Variants in RFX8 observed in about 807,000 individuals in gnomAD.
The protein encoded by RFX8 is regulatory factor X8.
In RFX8, 46 loss-of-function variants were observed where a neutral mutation model predicts 54.6. The observed-to-expected ratio is 0.84, with a 90% CI of 0.67 to 1.08. The LOEUF (loss-of-function observed/expected upper bound fraction) is 1.08, where lower values mean the gene tolerates loss of function less well. Ranked by LOEUF, RFX8 falls within the 50% of genes least tolerant of loss-of-function variation. The pLI, the probability that RFX8 is intolerant of heterozygous loss-of-function variation, is 0.00. For missense variants in RFX8, 536 were observed against 562.3 expected, an observed-to-expected ratio of 0.95 and a Z score of 0.47; for synonymous variants, 192 against 209.5, an observed-to-expected ratio of 0.92 and a Z score of 0.72.
rs368202073 is a variant in RFX8 at position 101,470,860 on chromosome 2, C to A, written c.-53+3776G>T. Among the ~76,000 whole-genome samples the A allele has an allele frequency of 2.0e-5, 3 of 150,946 alleles. No homozygotes were observed. The East Asian group carries it at 5.9e-4, about 30-fold the overall frequency. On this transcript the variant is annotated intron_variant, in intron 1 of 11. Coordinates refer to ENST00000428343, the MANE Select transcript of RFX8 (RefSeq NM_001145664.2). ...TCAGCCTCCCAAGTAGCTGGGACTA[C>A]AGGCGCCTGCCACCTCGCCCGGCTA... is the stretch of plus-strand genomic sequence containing the variant.
At chr2:101,403,701 C>T (rs1642527974) in intron 10 of RFX8, among the ~76,000 whole-genome samples, 2 of 152,218 alleles carry the variant, frequency 1.3e-5, no homozygotes, top group South Asian at 2.1e-4. Flanking sequence ...GCGGGAGAAT[C>T]GCTTGAACCC....
At chr2:101,446,122 A>T (rs1399165273) in intron 2 of RFX8, among the ~76,000 whole-genome samples, 2 of 144,504 alleles carry the variant, frequency 1.4e-5, no homozygotes, top group African/African-American at 2.5e-5. Flanking sequence ...TAAAAAAAAA[A>T]TTTCTTAGTT....
chr2:101,407,613 A>G (rs903955019), intron 9 of RFX8, among the ~76,000 whole-genome samples: 2 of 152,100 alleles, frequency 1.3e-5, no homozygotes, highest in African/African-American at 4.8e-5. Flanking sequence ...AATCGCTTGA[A>G]CCTGGGAGGC....
chr2:101,442,213 T>C (rs1245349630), intron 2 of RFX8, among the ~76,000 whole-genome samples: 1 of 152,236 alleles, frequency 6.6e-6, no homozygotes, highest in Non-Finnish European at 1.5e-5. Context: ...CACTTTTAAA[T>C]ATCATTGTCT....
At chr2:101,448,899 A>G (rs901947843) in intron 2 of RFX8, among the ~76,000 whole-genome samples, 4 of 152,256 alleles carry the variant, frequency 2.6e-5, no homozygotes, top group Admixed American at 6.5e-5. Context: ...AGAAGGCTCA[A>G]AGAGCAGGAA....
chr2:101,432,519 C>T (rs1687544452), intron 2 of RFX8, among the ~76,000 whole-genome samples: 1 of 152,144 alleles, frequency 6.6e-6, no homozygotes, highest in Non-Finnish European at 1.5e-5. Flanking sequence ...TATGGGGCCA[C>T]TACCCAAGAG....
At chr2:101,441,112 G>T (rs1044595600) in intron 2 of RFX8, among the ~76,000 whole-genome samples, 14 of 151,976 alleles carry the variant, frequency 9.2e-5, no homozygotes, top group African/African-American at 3.1e-4. Flanking sequence ...GACTACAGGC[G>T]CCCGCCACCA....
chr2:101,417,453 G>C (rs1192001879), intron 6 of RFX8, 81 bp downstream of exon 6: 1 of 1,314,276 alleles, frequency 7.6e-7, no homozygotes, highest in African/African-American at 1.5e-5. Flanking sequence ...CGATCCTCCT[G>C]CCTCGGCCTT....
At chr2:101,450,573 G>A (rs1208883890) in intron 2 of RFX8, 3 of 1,272,836 alleles carry the variant, frequency 2.4e-6, no homozygotes, top group Non-Finnish European at 3.3e-6. Context: ...AGACCAAAGT[G>A]CCAAAATGAT....
chr2:101,402,480 G>A lies in RFX8; in HGVS notation c.1201C>T (p.Leu401Phe). Residue 401 changes from leucine to phenylalanine, a missense_variant, in exon 11 of 12, where the codon CTC (leucine) becomes TTC (phenylalanine). Transcript: ENST00000428343. ...RYPVGVSNMV[L>F]RILGFLVDTA... is the part of the protein sequence containing the mutation. Reference sequence around the variant, plus strand: ...TCCACCAGGAAGCCCAGGATCCTGAGGACCATGTTGCTCACACCCACGGGA... The same window carrying A: ...TCCACCAGGAAGCCCAGGATCCTGAAGACCATGTTGCTCACACCCACGGGA... The A allele has an allele frequency of 6.4e-7, 1 of 1,551,634 alleles. No homozygotes were observed. Among genetic ancestry groups the A allele is most frequent in the Non-Finnish European group, 8.7e-7 (1 of 1,146,884 alleles).
In RFX8 at chr2:101,402,448, G is replaced by A. The variant is rs547206904; in HGVS notation, c.1233C>T (p.Ala411=). ...LRILGFLVDT[A]MGNKLIQVLL... ...CTGGTGTCCCTACCTTATTGCCCAT[G>A]GCAGTGTCCACCAGGAAGCCCAGGA... Residue 411 remains alanine, a synonymous_variant, in exon 11 of 12, where the codon GCC becomes GCT. Transcript: ENST00000428343. The A allele has an allele frequency of 1.5e-4, 233 of 1,548,324 alleles. No individual in the cohort carries two copies. The African/African-American group carries it at 2.9e-3, about 19-fold the overall frequency.
chr2:101,400,650 C>T (rs557938664), intron 11 of RFX8, among the ~76,000 whole-genome samples: 4 of 152,186 alleles, frequency 2.6e-5, no homozygotes, highest in South Asian at 2.1e-4. Flanking sequence ...GGTGCTTTAA[C>T]GAGTGTCACT....
chr2:101,415,035 AC>A, intron 6 of RFX8, 123 bp from the exon 7 acceptor site: 1 of 672,440 alleles, frequency 1.5e-6, no homozygotes, highest in South Asian at 1.8e-5. Flanking sequence ...AACTTCCCCC[AC>A]CCCCGTGTCT....
At chr2:101,401,202 C>T (rs550926207) in intron 11 of RFX8, among the ~76,000 whole-genome samples, 153 of 152,314 alleles carry the variant, frequency 1.0e-3, no homozygotes, top group African/African-American at 3.3e-3. Context: ...AAGTGAGAAA[C>T]AAAGACCAAA....
chr2:101,410,919 C>T (rs977453643), intron 8 of RFX8, among the ~76,000 whole-genome samples: 1 of 152,190 alleles, frequency 6.6e-6, no homozygotes, highest in Non-Finnish European at 1.5e-5. Flanking sequence ...ATTACATGGA[C>T]ATACCTGTTG....
At chr2:101,433,957 A>C (rs567271485) in intron 2 of RFX8, among the ~76,000 whole-genome samples, 1 of 152,212 alleles carries the variant, frequency 6.6e-6, no homozygotes, top group Admixed American at 6.5e-5. Context: ...ATTGAGACAT[A>C]TGTCATTATA....
rs778750332 is a variant in RFX8, at chr2:101,402,634, A to G, written c.1047T>C (p.Asp349=). 50 of 1,553,068 alleles carry G rather than the reference A, an allele frequency of 3.2e-5. No individual in the cohort carries two copies. Among genetic ancestry groups the G allele is most frequent in the South Asian group, 2.5e-4 (21 of 84,106 alleles). Residue 349 remains aspartate (D), a synonymous_variant, in exon 11 of 12, where the codon GAT becomes GAC. Coordinates refer to ENST00000428343, the MANE Select transcript of RFX8 (RefSeq NM_001145664.2). ...DMGTVKEMLP[D]DPTLGQPDQA... ...GGTCTGGCTGGCCGAGAGTCGGGTC[A>G]TCTGGTAGCATTTCCTTGACAGTCC...
chr2:101,433,114 C>A (rs539250608), intron 2 of RFX8, among the ~76,000 whole-genome samples: 1 of 152,302 alleles, frequency 6.6e-6, no homozygotes, highest in African/African-American at 2.4e-5. Flanking sequence ...CACAGTGGAA[C>A]CGGCCTCCTT....
chr2:101,402,547 C>G lies in RFX8; in HGVS notation c.1134G>C (p.Glu378Asp). The change falls in exon 11 of 12, where the codon GAG (glutamate) becomes GAC (aspartate). Residue 378 changes from glutamate to aspartate, a missense_variant. By Grantham distance (45) the Glu-to-Asp change is conservative. Coordinates refer to ENST00000428343, the MANE Select transcript of RFX8 (RefSeq NM_001145664.2). ...TGTGTGTGGGCATCACCCCCAGTGGCTCCATGCTGGGGCTGGCACACGCCT... is the reference window on the plus strand; with the variant it reads ...TGTGTGTGGGCATCACCCCCAGTGGGTCCATGCTGGGGCTGGCACACGCCT... ...LSQACASPSM[E>D]PLGVMPTHMG... The G allele has an allele frequency of 1.3e-6, 2 of 1,551,806 alleles. No individual in the cohort carries two copies. Among genetic ancestry groups the G allele is most frequent in the Non-Finnish European group, 1.7e-6 (2 of 1,146,996 alleles).
Sources: gnomAD v4.1 joint callset for allele counts (sites outside exome capture counted in the v4.1 genomes callset) on GRCh38, gnomAD v4.1.1 for gene constraint, MANE v1.5 for transcripts, NCBI Gene and HGNC (gene_info 2026-07-23, HGNC 2026-07-21) for gene names.